Variants in ATF1 observed in about 807,000 individuals in gnomAD.
ATF1 encodes activating transcription factor 1.
A neutral mutation model predicts 34.7 loss-of-function variants in ATF1; 16 were observed. That is an observed-to-expected ratio of 0.46 (90% confidence interval 0.31 to 0.70). ATF1 has a LOEUF of 0.70. Ranked by LOEUF, ATF1 falls within the 30% of genes least tolerant of loss-of-function variation. The pLI is 0.05. For synonymous variants in ATF1, 105 were observed against 113.1 expected, an observed-to-expected ratio of 0.93 and a Z score of 0.46; for missense variants, 255 against 321.6, an observed-to-expected ratio of 0.79 and a Z score of 1.58.
intron 1 of ATF1, among the ~76,000 whole-genome samples, chr12:50,769,495 G>A (rs1411984614): frequency 1.3e-5 from 2 of 150,324 alleles, no homozygotes; most frequent in African/African-American, 4.9e-5. Context: ...GTGACAGAGC[G>A]AGACTCCATC....
At chr12:50,782,176 G>GTAT (rs1941077717) in intron 2 of ATF1, among the ~76,000 whole-genome samples, 1 of 152,026 alleles carries the variant, frequency 6.6e-6, no homozygotes, top group Non-Finnish European at 1.5e-5. Context: ...CCAAAACAAT[G>GTAT]TATGATAACA....
chr12:50,779,773 C>A (rs1337445791), intron 1 of ATF1, among the ~76,000 whole-genome samples: 2 of 152,084 alleles, frequency 1.3e-5, no homozygotes, highest in African/African-American at 4.8e-5. Context: ...ATTTGTTCAA[C>A]TTTTACTCAG....
At chr12:50,798,724 G>A (rs751489436) in intron 3 of ATF1, among the ~76,000 whole-genome samples, 3 of 152,160 alleles carry the variant, frequency 2.0e-5, no homozygotes, top group East Asian at 1.9e-4. Flanking sequence ...AATCAAATAC[G>A]AATTCACTCA....
intron 4 of ATF1, among the ~76,000 whole-genome samples, chr12:50,811,620 G>GTA (rs1941738837): frequency 1.7e-5 from 1 of 58,580 alleles, no homozygotes. Context: ...TGTCTTCACA[G>GTA]AAAAATGAAG....
chr12:50,799,216 C>G (rs1941468152), intron 3 of ATF1, among the ~76,000 whole-genome samples: 1 of 152,104 alleles, frequency 6.6e-6, no homozygotes, highest in African/African-American at 2.4e-5. Flanking sequence ...GAGATCCTGT[C>G]TCTACAAAAA....
intron 2 of ATF1, among the ~76,000 whole-genome samples, chr12:50,794,095 C>T (rs1014069805): frequency 2.4e-4 from 36 of 151,850 alleles, no homozygotes; most frequent in Admixed American, 5.3e-4. Context: ...GGACTACAGG[C>T]GCCTACCACC....
At chr12:50,780,816 C>T (rs568129698) in intron 2 of ATF1, among the ~76,000 whole-genome samples, 1 of 152,104 alleles carries the variant, frequency 6.6e-6, no homozygotes, top group Admixed American at 6.6e-5. Flanking sequence ...AAAAATTAGC[C>T]AGGTGCAGTG....
At chr12:50,783,789 C>T (rs970860192) in intron 2 of ATF1, among the ~76,000 whole-genome samples, 1 of 149,760 alleles carries the variant, frequency 6.7e-6, no homozygotes, top group African/African-American at 2.5e-5. Context: ...ACTGCTTGAA[C>T]TGGGGAGGTG....
chr12:50,819,297 G>C (rs1449688245), intron 6 of ATF1, among the ~76,000 whole-genome samples: 1 of 152,198 alleles, frequency 6.6e-6, no homozygotes, highest in East Asian at 1.9e-4. Context: ...CATAGTGTAT[G>C]ACACTCTTAC....
At chr12:50,806,349 A>G in intron 3 of ATF1, 1 of 495,680 alleles carries the variant, frequency 2.0e-6, no homozygotes, top group South Asian at 1.5e-5. Context: ...GCTGTCATTG[A>G]CACCAGATGG....
At chr12:50,801,738 C>T (rs6580769) in intron 3 of ATF1, among the ~76,000 whole-genome samples, 38,859 of 152,052 alleles carry the variant, frequency 0.26, 5,532 homozygotes, top group Non-Finnish European at 0.32. Flanking sequence ...TCGCAAGACA[C>T]AGAAAAAGCA....
intron 4 of ATF1, among the ~76,000 whole-genome samples, chr12:50,811,941 A>ACTT (rs1393542329): frequency 6.6e-6 from 1 of 152,222 alleles, no homozygotes. Flanking sequence ...GGCCAATAGA[A>ACTT]CTTCGTATGA....
intron 1 of ATF1, among the ~76,000 whole-genome samples, chr12:50,776,066 A>G (rs1239455314): frequency 6.6e-6 from 1 of 152,148 alleles, no homozygotes; most frequent in African/African-American, 2.4e-5. Context: ...TAATGCCAGC[A>G]CTTTGGGAGG....
intron 4 of ATF1, among the ~76,000 whole-genome samples, chr12:50,812,647 G>A (rs1158932201): frequency 6.6e-6 from 1 of 151,990 alleles, no homozygotes; most frequent in Non-Finnish European, 1.5e-5. Flanking sequence ...AATATAGGGA[G>A]ACCCTATCTC....
chr12:50,784,673 G>GT (rs1163932105), intron 2 of ATF1, among the ~76,000 whole-genome samples: 1 of 152,056 alleles, frequency 6.6e-6, no homozygotes, highest in Admixed American at 6.5e-5. Flanking sequence ...GTTATCTGGC[G>GT]TATCTTAAAA....
intron 2 of ATF1, chr12:50,788,215 C>G (rs762989044): frequency 4.2e-5 from 19 of 451,440 alleles, no homozygotes; most frequent in South Asian, 3.0e-4. Flanking sequence ...TAGGGTCTCA[C>G]TCTGTCACCC....
intron 6 of ATF1, among the ~76,000 whole-genome samples, chr12:50,819,321 A>G (rs1941902439): frequency 6.6e-6 from 1 of 152,186 alleles, no homozygotes; most frequent in Non-Finnish European, 1.5e-5. Flanking sequence ...AGGTTCTAGA[A>G]TAGGAAAAAA....
intron 6 of ATF1, among the ~76,000 whole-genome samples, chr12:50,819,323 A>G (rs1941902500): frequency 6.6e-6 from 1 of 152,206 alleles, no homozygotes. Context: ...GTTCTAGAAT[A>G]GGAAAAAAAC....
intron 3 of ATF1, among the ~76,000 whole-genome samples, chr12:50,796,769 A>G (rs990978512): frequency 2.0e-5 from 3 of 152,206 alleles, no homozygotes; most frequent in African/African-American, 7.2e-5. Flanking sequence ...CAAATGGATA[A>G]GAGACCTAAA....
Sources: gnomAD v4.1 joint callset for allele counts (sites outside exome capture counted in the v4.1 genomes callset) on GRCh38, gnomAD v4.1.1 for gene constraint, MANE v1.5 for transcripts, NCBI Gene and HGNC (gene_info 2026-07-23, HGNC 2026-07-21) for gene names.